Variants in EDDM3B observed in about 807,000 individuals in gnomAD.
EDDM3B encodes epididymal secretory protein E3-beta.
For missense variants in EDDM3B, 189 were observed against 178.3 expected, an observed-to-expected ratio of 1.06 and a Z score of -0.34; for synonymous variants, 71 against 59.1, an observed-to-expected ratio of 1.20 and a Z score of -0.92.
Position 20,770,173 on chromosome 14 carries a change from G to A in EDDM3B, c.23G>A (p.Trp8Ter), listed in dbSNP as rs1878296040. Residue 8 changes from tryptophan to a stop codon, truncating the protein, a stop_gained, in exon 2 of 2, where the codon TGG becomes TAG. Coordinates refer to ENST00000326783, the MANE Select transcript of EDDM3B (RefSeq NM_022360.5). LOFTEE classifies it low-confidence loss of function (END_TRUNC). Reference sequence around the variant, plus strand: ...GAGATGGCATCGTCTCTAAAGATCTGGGGCACACTCTTGGCCCTACTTTGC... The same window carrying A: ...GAGATGGCATCGTCTCTAAAGATCTAGGGCACACTCTTGGCCCTACTTTGC... Reference protein sequence around the residue: MASSLKIWGTLLALLCIL... With the variant: MASSLKI 2 of 1,612,524 alleles carry A rather than the reference G, an allele frequency of 1.2e-6. No individual in the cohort carries two copies. Among genetic ancestry groups the A allele is most frequent in the Admixed American group, 1.7e-5 (1 of 59,890 alleles).
At position 20,770,906 on chromosome 14, in the gene EDDM3B, G is replaced by A. The variant is rs1878327185; in HGVS notation, c.*312G>A. ...ATTGACTCTCTTGATACATACCCAA[G>A]CTGAACAATCTTCCCTTCCCTAAAT... On this transcript the variant is annotated 3_prime_UTR_variant, in exon 2 of 2. Transcript: ENST00000326783. 1.0e-5 allele frequency: 3 copies of A among 290,672 alleles called. No homozygotes were observed. The highest frequency in any genetic ancestry group is 2.1e-5 in the Non-Finnish European group (3 of 145,502). 18.0% of individuals were successfully genotyped at this position (290,672 alleles called of 1,614,324 possible).
chr14:20,770,866 C>CAA lies in EDDM3B; in HGVS notation c.*273_*274dup, dbSNP rs1878325545. ...ATATGGCATCTGTTCTTGATTAACC[C>CAA]AAGACTTTCCTGATATTGACTCTCT... On this transcript the variant is annotated 3_prime_UTR_variant, in exon 2 of 2. Coordinates refer to ENST00000326783, the MANE Select transcript of EDDM3B (RefSeq NM_022360.5). 1 of 371,370 alleles carries CAA rather than the reference C, an allele frequency of 2.7e-6. No homozygotes were observed. The highest frequency in any genetic ancestry group is 2.1e-5 in the African/African-American group (1 of 48,340). 23.0% of individuals were successfully genotyped at this position (371,370 alleles called of 1,614,324 possible).
intron 1 of EDDM3B, 104 bp from the exon 2 acceptor site, chr14:20,770,029 G>T: frequency 2.3e-6 from 2 of 888,280 alleles, no homozygotes; most frequent in Non-Finnish European, 3.4e-6. Flanking sequence ...TAGTAAAATT[G>T]CACCCAAGTG....
chr14:20,769,219 G>A (rs2208598), intron 1 of EDDM3B, among the ~76,000 whole-genome samples: 71,800 of 151,940 alleles, frequency 0.47, 17,151 homozygotes, highest in African/African-American at 0.52. Flanking sequence ...CCAACATGGC[G>A]AAACATTGTC....
intron 1 of EDDM3B, among the ~76,000 whole-genome samples, chr14:20,769,744 T>C (rs757181409): frequency 6.6e-6 from 1 of 152,176 alleles, no homozygotes; most frequent in African/African-American, 2.4e-5. Context: ...CTGACAACCC[T>C]TTCCACTTCA....
At chr14:20,770,103 CTT>C in intron 1 of EDDM3B, 28 bp from the exon 2 acceptor site, 1 of 1,525,592 alleles carries the variant, frequency 6.6e-7, no homozygotes, top group Non-Finnish European at 8.8e-7. Flanking sequence ...CTGGATAATG[CTT>C]TTCTTTCTCT....
rs1878307005 is a variant in EDDM3B, at chr14:20,770,413, GC to G, written c.264del (p.Phe89SerfsTer48). 5.6e-6 allele frequency: 9 copies of G among 1,614,018 alleles called. No homozygotes were observed. The East Asian group carries it at 2.0e-4, about 36-fold the overall frequency. On this transcript the variant is annotated frameshift_variant, in exon 2 of 2. Coordinates refer to ENST00000326783, the MANE Select transcript of EDDM3B (RefSeq NM_022360.5). LOFTEE classifies it low-confidence loss of function (END_TRUNC). The stretch of plus-strand genomic sequence containing the variant: ...TGCACTAGTGACAACTGGATGGATC[GC>G]TTCCGAAATGCATATGTATGGGTCC... Reference protein sequence around the residue: ...HICTSDNWMDRFRNAYVWVQN... With the variant: ...HICTSDNWMDXFRNAYVWVQN...
In EDDM3B at chr14:20,770,543, G is replaced by GC; in HGVS notation, c.393_394insC (p.Tyr132LeufsTer3). ...TTGAATTCCATTGTAGCATGGACGG[G>GC]TATGTTGATAGCATAGAAGACCTAA... On this transcript the variant is annotated frameshift_variant, in exon 2 of 2. Transcript: ENST00000326783. LOFTEE classifies it low-confidence loss of function (END_TRUNC). 1 of 1,614,064 alleles carries GC rather than the reference G, an allele frequency of 6.2e-7. No individual in the cohort carries two copies. Among genetic ancestry groups the GC allele is most frequent in the Non-Finnish European group, 8.5e-7 (1 of 1,180,000 alleles).
Position 20,770,539 on chromosome 14 carries a change from A to G in EDDM3B, c.389A>G (p.Asp130Gly). Reference sequence around the variant, plus strand: ...TACATTGAATTCCATTGTAGCATGGACGGGTATGTTGATAGCATAGAAGAC... The same window carrying G: ...TACATTGAATTCCATTGTAGCATGGGCGGGTATGTTGATAGCATAGAAGAC... ...FNYIEFHCSM[D>G]GYVDSIEDLK... The change falls in exon 2 of 2, where the codon GAC becomes GGC. Residue 130 changes from aspartate to glycine, a missense_variant. Transcript: ENST00000326783. 3.1e-6 allele frequency: 5 copies of G among 1,614,098 alleles called. No homozygotes were observed. Among genetic ancestry groups the G allele is most frequent in the African/African-American group, 1.3e-5 (1 of 75,014 alleles).
rs764908955 is a variant in EDDM3B, at chr14:20,770,231, A to G, written c.81A>G (p.Glu27=). 2.5e-6 allele frequency: 4 copies of G among 1,614,196 alleles called. No homozygotes were observed. In the Admixed American group the frequency reaches 6.7e-5, roughly 27 times the overall value. The change falls in exon 2 of 2, where the codon GAA becomes GAG. Residue 27 remains glutamate (E), a synonymous_variant. Coordinates refer to ENST00000326783, the MANE Select transcript of EDDM3B (RefSeq NM_022360.5). ...GCACACTGCTTGTACAGAGCAAAGA[A>G]GTTTCTTGGAGAGAATTCATGAAAC... ...ILCTLLVQSK[E]VSWREFMKQH...
Position 20,770,629 on chromosome 14 carries a change from A to C in EDDM3B, c.*35A>C. On this transcript the variant is annotated 3_prime_UTR_variant, in exon 2 of 2. Transcript: ENST00000326783. ...GCACATCCTCAGGTATTGGTAGAGT[A>C]TTCAGTGCTTTCTAAGTAGCAGCCC... The C allele has an allele frequency of 6.5e-7, 1 of 1,547,376 alleles. No homozygotes were observed. Among genetic ancestry groups the C allele is most frequent in the African/African-American group, 1.4e-5 (1 of 72,936 alleles).
intron 1 of EDDM3B, among the ~76,000 whole-genome samples, chr14:20,768,978 G>A (rs17254332): frequency 0.34 from 52,282 of 152,036 alleles, 9,186 homozygotes; most frequent in East Asian, 0.5. Context: ...GGTAAATGAG[G>A]ACAGAGCACT....
chr14:20,770,090 T>C, intron 1 of EDDM3B, 43 bp from the exon 2 acceptor site: 1 of 1,482,428 alleles, frequency 6.7e-7, no homozygotes, highest in Non-Finnish European at 9.1e-7. Context: ...CTCTGGGCAT[T>C]GTCTGGATAA....
Position 20,770,512 on chromosome 14 carries a change from A to T in EDDM3B, c.362A>T (p.Asn121Ile), listed in dbSNP as rs746095324. 6.2e-7 allele frequency: 1 copy of T among 1,614,156 alleles called. No individual in the cohort carries two copies. The highest frequency in any genetic ancestry group is 1.1e-5 in the South Asian group (1 of 91,084). ...KNSYTESRSFNYIEFHCSMDG... is the reference protein window; with the variant it reads ...KNSYTESRSFIYIEFHCSMDG... ...AGCTACACAGAGAGCAGGAGCTTCA[A>T]CTACATTGAATTCCATTGTAGCATG... The change falls in exon 2 of 2, where the codon AAC becomes ATC. Residue 121 changes from asparagine to isoleucine, a missense_variant. By Grantham distance (149) the Asn-to-Ile change is moderately radical. Coordinates refer to ENST00000326783, the MANE Select transcript of EDDM3B (RefSeq NM_022360.5).
In EDDM3B at chr14:20,770,310, A is replaced by G; in HGVS notation, c.160A>G (p.Met54Val). The change falls in exon 2 of 2, where the codon ATG (methionine) becomes GTG (valine). Residue 54 changes from methionine to valine, a missense_variant. Physicochemically the swap from Met to Val is conservative, Grantham distance 21. Coordinates refer to ENST00000326783, the MANE Select transcript of EDDM3B (RefSeq NM_022360.5). Reference protein sequence around the residue: ...EFREYKCDVLMRENEALKDKS... With the variant: ...EFREYKCDVLVRENEALKDKS... ...CAGAGAGTACAAATGTGATGTCCTC[A>G]TGAGAGAAAATGAAGCTCTGAAAGA... is the stretch of plus-strand genomic sequence containing the variant. 1 of 1,614,226 alleles carries G rather than the reference A, an allele frequency of 6.2e-7. No homozygotes were observed. Among genetic ancestry groups the G allele is most frequent in the Non-Finnish European group, 8.5e-7 (1 of 1,180,036 alleles).
At chr14:20,769,200 C>T (rs2138551462) in intron 1 of EDDM3B, among the ~76,000 whole-genome samples, 1 of 152,222 alleles carries the variant, frequency 6.6e-6, no homozygotes, top group South Asian at 2.1e-4. Flanking sequence ...GATTTTGATA[C>T]TAGCCTGGCC....
At position 20,770,317 on chromosome 14, in the gene EDDM3B, A is replaced by T. The variant is rs552736280; in HGVS notation, c.167A>T (p.Glu56Val). 1.2e-6 allele frequency: 2 copies of T among 1,614,192 alleles called. No homozygotes were observed. The highest frequency in any genetic ancestry group is 3.3e-5 in the Admixed American group (2 of 60,022). ...REYKCDVLMR[E>V]NEALKDKSSH... ...TACAAATGTGATGTCCTCATGAGAG[A>T]AAATGAAGCTCTGAAAGACAAGAGC... Residue 56 changes from glutamate to valine, a missense_variant, in exon 2 of 2, where the codon GAA (glutamate) becomes GTA (valine). By Grantham distance (121) the Glu-to-Val change is moderately radical (BLOSUM62 -2). Coordinates refer to ENST00000326783, the MANE Select transcript of EDDM3B (RefSeq NM_022360.5).
chr14:20,770,101 T>C, intron 1 of EDDM3B, 32 bp from the exon 2 acceptor site: 3 of 1,521,142 alleles, frequency 2.0e-6, no homozygotes, highest in East Asian at 2.3e-5. Context: ...GTCTGGATAA[T>C]GCTTTTCTTT....
rs891047914 is a variant in EDDM3B at position 20,768,499 on chromosome 14, T to A, written c.-26T>A. ...CAACCAGTGACCTGAACTTGGAGTC[T>A]GAGTAGGGTAAGAAGGGCTCTGCTG... On this transcript the variant is annotated 5_prime_UTR_variant, in exon 1 of 2. Coordinates refer to ENST00000326783, the MANE Select transcript of EDDM3B (RefSeq NM_022360.5). The A allele has an allele frequency of 1.3e-5, 2 of 152,214 alleles. No homozygotes were observed. The highest frequency in any genetic ancestry group is 4.8e-5 in the African/African-American group (2 of 41,416). The allele number at this position is 152,214 out of a possible 1,614,324, so 9.4% of individuals were successfully genotyped here.
Sources: allele counts gnomAD v4.1 joint callset (sites outside exome capture counted in the v4.1 genomes callset), GRCh38; gene constraint gnomAD v4.1.1; transcripts MANE v1.5; gene names NCBI Gene and HGNC (gene_info 2026-07-23, HGNC 2026-07-21).